The following CERT1 variants were observed in gnomAD, a reference collection of about 807,000 sequenced individuals.
The protein encoded by CERT1 is ceramide transfer protein.
In CERT1, 31 loss-of-function variants were observed where a neutral mutation model predicts 87.9. The ratio of observed to expected loss-of-function variants is 0.35; its 90% CI spans 0.27 to 0.48. CERT1 has a LOEUF of 0.48. Ranked by LOEUF, CERT1 falls within the 20% of genes least tolerant of loss-of-function variation. The pLI is 0.99. For synonymous variants in CERT1, 289 were observed against 250.9 expected (o/e 1.15, Z -1.44); for missense variants, 487 against 758.0 (o/e 0.64, Z 4.20).
At position 75,386,678 on chromosome 5, in the gene CERT1, G is replaced by A. The variant is rs537426407; in HGVS notation, c.1285-644C>T. The stretch of plus-strand genomic sequence containing the variant: ...GGAGAACCAAGTGCCAATTTATGAA[G>A]GACCTATGGGGCTGGACACTGTTAG... On this transcript the variant is annotated intron_variant, in intron 12 of 16. Coordinates refer to ENST00000643780, the MANE Select transcript of CERT1 (RefSeq NM_001379029.1). Among the ~76,000 whole-genome samples the A allele has an allele frequency of 1.2e-3, 190 of 152,258 alleles. 2 individuals are homozygous for A. Among genetic ancestry groups the A allele is most frequent in the Middle Eastern group, 3.4e-3 (1 of 294 alleles).
At chr5:75,472,041 T>A (rs1333629520) in intron 2 of CERT1, among the ~76,000 whole-genome samples, 1 of 152,086 alleles carries the variant, frequency 6.6e-6, no homozygotes, top group Non-Finnish European at 1.5e-5. Context: ...CACAAAACTA[T>A]AGGAATCAAA....
chr5:75,486,015 T>C (rs1766507330), intron 2 of CERT1, among the ~76,000 whole-genome samples: 1 of 152,058 alleles, frequency 6.6e-6, no homozygotes. Context: ...AGGCTAGTAT[T>C]ACCCAGATAC....
At chr5:75,433,380 T>C (rs904898903) in intron 3 of CERT1, among the ~76,000 whole-genome samples, 2 of 152,240 alleles carry the variant, frequency 1.3e-5, no homozygotes, top group African/African-American at 4.8e-5. Flanking sequence ...AGCAGTGTTT[T>C]ATAATTCTCA....
intron 11 of CERT1, among the ~76,000 whole-genome samples, chr5:75,392,901 C>T (rs1162348187): frequency 2.5e-5 from 3 of 121,740 alleles, no homozygotes; most frequent in East Asian, 2.9e-4. Context: ...ACCTGCGAGG[C>T]GGAGGTGGCA....
chr5:75,382,849 T>C (rs1016419400), intron 14 of CERT1, among the ~76,000 whole-genome samples: 7 of 152,020 alleles, frequency 4.6e-5, no homozygotes, highest in Non-Finnish European at 8.8e-5. Context: ...TTGATAAATA[T>C]AGTGTTGGGT....
intron 3 of CERT1, among the ~76,000 whole-genome samples, chr5:75,456,942 C>T (rs1282019322): frequency 1.3e-5 from 2 of 152,004 alleles, no homozygotes; most frequent in South Asian, 2.1e-4. Context: ...TTGGACTTAA[C>T]AGAGAAAAGT....
chr5:75,406,704 A>G (rs1273165997), intron 8 of CERT1, among the ~76,000 whole-genome samples: 1 of 151,832 alleles, frequency 6.6e-6, no homozygotes, highest in Non-Finnish European at 1.5e-5. Flanking sequence ...CATGCCTAAT[A>G]CAGCTAATTT....
At chr5:75,387,632 C>T (rs1458038530) in intron 12 of CERT1, among the ~76,000 whole-genome samples, 1 of 150,790 alleles carries the variant, frequency 6.6e-6, no homozygotes, top group Admixed American at 6.6e-5. Flanking sequence ...ATCCCAGCTA[C>T]CTGGGAGGCT....
At chr5:75,415,052 A>G (rs1763083524) in intron 7 of CERT1, among the ~76,000 whole-genome samples, 1 of 152,128 alleles carries the variant, frequency 6.6e-6, no homozygotes, top group African/African-American at 2.4e-5. Context: ...ACACACACAC[A>G]CACACTCTAC....
At chr5:75,466,406 G>C (rs865964256) in intron 2 of CERT1, among the ~76,000 whole-genome samples, 26 of 152,150 alleles carry the variant, frequency 1.7e-4, no homozygotes, top group African/African-American at 6.0e-4. Context: ...CTTCTTAGTT[G>C]TATGAGGTGT....
intron 2 of CERT1, among the ~76,000 whole-genome samples, chr5:75,504,661 G>T (rs890804075): frequency 3.3e-5 from 5 of 151,098 alleles, no homozygotes; most frequent in Admixed American, 3.3e-4. Context: ...AGTAAACTCT[G>T]TATTTTTGTT....
intron 8 of CERT1, among the ~76,000 whole-genome samples, chr5:75,404,891 CTAGTACTCAGGAGGA>C (rs1762642877): frequency 6.6e-6 from 1 of 152,014 alleles, no homozygotes; most frequent in African/African-American, 2.4e-5. Flanking sequence ...GTCTATAAAC[CTAGTACTCAGGAGGA>C]GGAGGCACAA....
In CERT1 at chr5:75,507,200, T is replaced by C. The variant is rs145770766; in HGVS notation, c.97-1084A>G. Among the ~76,000 whole-genome samples, 317 of 152,214 alleles carry C rather than the reference T, an allele frequency of 2.1e-3. 1 individual carries two copies. In the East Asian group the frequency reaches 0.027, roughly 13 times the overall value. ...ATGGAGTGCAGTGGCACCATCTCAG[T>C]TTACCGCAATCTCCTGGGCTCAATC... On this transcript the variant is annotated intron_variant, in intron 1 of 16. Coordinates refer to ENST00000643780, the MANE Select transcript of CERT1 (RefSeq NM_001379029.1).
At chr5:75,390,757 A>T (rs1761996427) in intron 11 of CERT1, among the ~76,000 whole-genome samples, 1 of 152,146 alleles carries the variant, frequency 6.6e-6, no homozygotes, top group South Asian at 2.1e-4. Flanking sequence ...GTTCATTAGG[A>T]ATATAGAACA....
intron 6 of CERT1, among the ~76,000 whole-genome samples, chr5:75,418,001 A>G (rs1043827831): frequency 3.9e-5 from 6 of 152,184 alleles, no homozygotes; most frequent in Non-Finnish European, 8.8e-5. Flanking sequence ...CACTAAAAAT[A>G]CAAAATTAGC....
At chr5:75,441,196 C>A (rs1764307125) in intron 3 of CERT1, among the ~76,000 whole-genome samples, 1 of 152,084 alleles carries the variant, frequency 6.6e-6, no homozygotes, top group South Asian at 2.1e-4. Flanking sequence ...TTTTGACATA[C>A]AAATAATTAC....
chr5:75,429,891 T>C (rs894180103), intron 3 of CERT1, among the ~76,000 whole-genome samples: 8 of 141,108 alleles, frequency 5.7e-5, no homozygotes, highest in Non-Finnish European at 1.2e-4. Flanking sequence ...AGATTAGAAG[T>C]GGTAGTAACA....
intron 11 of CERT1, among the ~76,000 whole-genome samples, chr5:75,397,712 T>C (rs1762312049): frequency 6.6e-6 from 1 of 152,182 alleles, no homozygotes; most frequent in African/African-American, 2.4e-5. Context: ...ATTATGAATA[T>C]GAGTCTCTTT....
Position 75,378,880 on chromosome 5 carries a change from T to C in CERT1, c.*466A>G, listed in dbSNP as rs1761436439. On this transcript the variant is annotated 3_prime_UTR_variant, in exon 17 of 17. Coordinates refer to ENST00000643780, the MANE Select transcript of CERT1 (RefSeq NM_001379029.1). Reference sequence around the variant, plus strand: ...TAAAAGAATTAAGTTTTAAAGGCTATAAACTACAATTTTCAAGGCCAGGCA... The same window carrying C: ...TAAAAGAATTAAGTTTTAAAGGCTACAAACTACAATTTTCAAGGCCAGGCA... 6.6e-6 allele frequency: 1 copy of C among 152,414 alleles called. No homozygotes were observed. The highest frequency in any genetic ancestry group is 1.5e-5 in the Non-Finnish European group (1 of 68,252). The allele number at this position is 152,414 out of a possible 1,614,324, so 9.4% of individuals were successfully genotyped here. A position where few individuals can be genotyped will look rare whatever the true frequency, so the allele number is the denominator to read the frequency against.
Sources: allele counts gnomAD v4.1 joint callset (sites outside exome capture counted in the v4.1 genomes callset), GRCh38; gene constraint gnomAD v4.1.1; transcripts MANE v1.5; gene names NCBI Gene and HGNC (gene_info 2026-07-23, HGNC 2026-07-21).